Variants in CDH12 observed in about 807,000 individuals in gnomAD.
CDH12 encodes cadherin-12.
In CDH12, 41 loss-of-function variants were observed where a neutral mutation model predicts 74.1. That is an observed-to-expected ratio of 0.55 (90% CI 0.43 to 0.72). The LOEUF (loss-of-function observed/expected upper bound fraction) is 0.72. Among genes scored for constraint, CDH12 ranks in the 30% least tolerant of loss-of-function variants. CDH12 has a pLI of 0.00. For missense variants in CDH12, 945 were observed against 977.2 expected (o/e 0.97, Z 0.44); for synonymous variants, 399 against 355.0 (o/e 1.12, Z -1.39).
At chr5:22,029,621 T>C (rs529306497) in intron 5 of CDH12, among the ~76,000 whole-genome samples, 7 of 152,280 alleles carry the variant, frequency 4.6e-5, no homozygotes, top group African/African-American at 9.6e-5. Flanking sequence ...CAACAGGTGA[T>C]AGAGATGATG....
At chr5:22,539,854 C>A (rs547613434) in intron 1 of CDH12, among the ~76,000 whole-genome samples, 1 of 152,288 alleles carries the variant, frequency 6.6e-6, no homozygotes, top group African/African-American at 2.4e-5. Flanking sequence ...AAACAGAACC[C>A]AATCTTGGTT....
intron 4 of CDH12, among the ~76,000 whole-genome samples, chr5:22,201,052 C>T (rs1750899726): frequency 1.3e-5 from 2 of 152,136 alleles, no homozygotes; most frequent in South Asian, 2.1e-4. Flanking sequence ...TAGATCTAGT[C>T]AGACAAAAAG....
intron 5 of CDH12, among the ~76,000 whole-genome samples, chr5:22,025,260 T>C (rs1738272706): frequency 6.6e-6 from 1 of 152,132 alleles, no homozygotes; most frequent in Non-Finnish European, 1.5e-5. Context: ...TTTATATTTA[T>C]TGATAAAGAA....
chr5:21,849,098 TTCTTA>T (rs1484312807), intron 7 of CDH12, among the ~76,000 whole-genome samples: 1 of 151,890 alleles, frequency 6.6e-6, no homozygotes, highest in Non-Finnish European at 1.5e-5. Context: ...TATGGTATTA[TTCTTA>T]TCTTTTTTCT....
chr5:22,080,011 C>T (rs1260094164), intron 4 of CDH12, among the ~76,000 whole-genome samples: 1 of 152,004 alleles, frequency 6.6e-6, no homozygotes, highest in Non-Finnish European at 1.5e-5. Flanking sequence ...CCTATATTTT[C>T]TAAGCAGGCA....
At chr5:22,199,125 A>G (rs967907847) in intron 4 of CDH12, among the ~76,000 whole-genome samples, 3 of 152,174 alleles carry the variant, frequency 2.0e-5, no homozygotes, top group African/African-American at 7.2e-5. Flanking sequence ...GGAAATGCTT[A>G]CTCAGATTCC....
chr5:22,108,896 G>A (rs768931719), intron 4 of CDH12, among the ~76,000 whole-genome samples: 19 of 152,094 alleles, frequency 1.2e-4, no homozygotes, highest in African/African-American at 2.2e-4. Context: ...AAAGCTGTAT[G>A]TATTGCATTA....
chr5:21,757,914 TCA>T (rs1357991845), intron 13 of CDH12, among the ~76,000 whole-genome samples: 4 of 152,166 alleles, frequency 2.6e-5, no homozygotes, highest in Non-Finnish European at 5.9e-5. Flanking sequence ...GTCTCCATCT[TCA>T]CAGTCAGTAC....
intron 3 of CDH12, among the ~76,000 whole-genome samples, chr5:22,381,942 G>T (rs1417715670): frequency 1.3e-5 from 2 of 149,966 alleles, no homozygotes; most frequent in African/African-American, 2.4e-5. Context: ...TATTTCTATA[G>T]AGAGAGAAGT....
At chr5:22,182,174 A>C (rs1749685153) in intron 4 of CDH12, among the ~76,000 whole-genome samples, 1 of 151,894 alleles carries the variant, frequency 6.6e-6, no homozygotes. Context: ...CTGATCTTTC[A>C]TTTCTTAAAT....
intron 2 of CDH12, among the ~76,000 whole-genome samples, chr5:22,459,463 CT>C (rs1745415268): frequency 6.6e-6 from 1 of 152,052 alleles, no homozygotes; most frequent in African/African-American, 2.4e-5. Flanking sequence ...GGCAAATTTA[CT>C]GTGTGAGACA....
chr5:22,815,166 A>AGG (rs1314660674), intron 1 of CDH12, among the ~76,000 whole-genome samples: 1 of 152,198 alleles, frequency 6.6e-6, no homozygotes, highest in Non-Finnish European at 1.5e-5. Context: ...TTCAGCAAAG[A>AGG]GGGGACAAGA....
At chr5:22,448,418 T>A (rs911428334) in intron 2 of CDH12, among the ~76,000 whole-genome samples, 1 of 151,772 alleles carries the variant, frequency 6.6e-6, no homozygotes, top group African/African-American at 2.4e-5. Context: ...AACATAAAAC[T>A]ATAATGAGAT....
intron 1 of CDH12, among the ~76,000 whole-genome samples, chr5:22,527,111 T>G (rs1737320413): frequency 6.6e-6 from 1 of 152,104 alleles, no homozygotes; most frequent in Admixed American, 6.5e-5. Flanking sequence ...CCCCAAAAGT[T>G]CTTCTCATTT....
At chr5:22,678,049 G>A (rs867906997) in intron 1 of CDH12, among the ~76,000 whole-genome samples, 2 of 151,558 alleles carry the variant, frequency 1.3e-5, no homozygotes, top group African/African-American at 4.8e-5. Flanking sequence ...CCTCATGGGG[G>A]GGGGGGTTAG....
intron 6 of CDH12, among the ~76,000 whole-genome samples, chr5:21,935,204 A>T (rs1356617505): frequency 6.6e-6 from 1 of 152,094 alleles, no homozygotes; most frequent in African/African-American, 2.4e-5. Context: ...TAAGTTTCAA[A>T]ATTTACAGTG....
At chr5:22,628,810 T>C (rs1738430605) in intron 1 of CDH12, among the ~76,000 whole-genome samples, 1 of 151,856 alleles carries the variant, frequency 6.6e-6, no homozygotes, top group East Asian at 1.9e-4. Context: ...AATCCAGAAG[T>C]TGATGTTTTG....
intron 1 of CDH12, among the ~76,000 whole-genome samples, chr5:22,691,622 C>G (rs546875245): frequency 1.3e-5 from 2 of 152,296 alleles, no homozygotes; most frequent in South Asian, 4.1e-4. Context: ...AGGCTTTAAA[C>G]CTTTTCAAAC....
At chr5:22,096,773 G>A (rs953069820) in intron 4 of CDH12, among the ~76,000 whole-genome samples, 28 of 152,120 alleles carry the variant, frequency 1.8e-4, no homozygotes, top group African/African-American at 6.5e-4. Context: ...GGCCCCTTTA[G>A]CAGCAACCCT....
Sources: allele counts gnomAD v4.1 joint callset (sites outside exome capture counted in the v4.1 genomes callset), GRCh38; gene constraint gnomAD v4.1.1; transcripts MANE v1.5; gene names NCBI Gene and HGNC (gene_info 2026-07-23, HGNC 2026-07-21).